ADCY8: variants seen among roughly 807,000 people sequenced by gnomAD.
The protein encoded by ADCY8 is adenylate cyclase 8, also known as adenylate cyclase type 8.
A neutral mutation model predicts 119.7 loss-of-function variants in ADCY8; 51 were observed. The observed-to-expected ratio is 0.43, with a 90% confidence interval of 0.34 to 0.54. The LOEUF (loss-of-function observed/expected upper bound fraction) is 0.54, where lower values mean the gene tolerates loss of function less well. ADCY8 is among the 20% of genes least tolerant of loss of function. The probability of loss-of-function intolerance (pLI) is 0.03; values close to 1 mark genes in which losing one functional copy is unlikely to be tolerated. For missense variants in ADCY8, 1,383 were observed against 1,598.8 expected, an observed-to-expected ratio of 0.87 and a Z score of 2.30; for synonymous variants, 665 against 651.0, an observed-to-expected ratio of 1.02 and a Z score of -0.33.
intron 3 of ADCY8, 77 bp from the exon 4 acceptor site, chr8:130,943,539 C>G: frequency 1.2e-6 from 1 of 850,932 alleles, no homozygotes; most frequent in South Asian, 1.5e-5. Context: ...TACACATCAA[C>G]ACCATCCCAG....
At chr8:130,883,271 C>A (rs1283324686) in intron 8 of ADCY8, among the ~76,000 whole-genome samples, 1 of 152,162 alleles carries the variant, frequency 6.6e-6, no homozygotes, top group East Asian at 1.9e-4. Flanking sequence ...GCTCTTCATC[C>A]TAGCTTCTTC....
intron 12 of ADCY8, among the ~76,000 whole-genome samples, chr8:130,836,032 G>T (rs144126184): frequency 3.9e-5 from 6 of 152,240 alleles, no homozygotes; most frequent in African/African-American, 1.4e-4. Context: ...ATCAGACTTG[G>T]AGGAGACCTG....
chr8:130,818,956 G>A (rs975576013), intron 13 of ADCY8, among the ~76,000 whole-genome samples: 2 of 152,120 alleles, frequency 1.3e-5, no homozygotes, highest in Non-Finnish European at 2.9e-5. Context: ...TACCTGCCTT[G>A]TTTTTGTCAT....
chr8:130,962,992 C>T (rs1028616042), intron 2 of ADCY8, among the ~76,000 whole-genome samples: 1 of 152,148 alleles, frequency 6.6e-6, no homozygotes, highest in African/African-American at 2.4e-5. Flanking sequence ...GAATATGATG[C>T]TATTTTCATT....
chr8:130,818,565 G>A (rs1816413818), intron 13 of ADCY8, among the ~76,000 whole-genome samples: 1 of 152,184 alleles, frequency 6.6e-6, no homozygotes, highest in South Asian at 2.1e-4. Flanking sequence ...CGTCCCTCTG[G>A]AGATGTTTAA....
At chr8:130,831,260 A>G (rs942123543) in intron 12 of ADCY8, among the ~76,000 whole-genome samples, 14 of 152,216 alleles carry the variant, frequency 9.2e-5, no homozygotes, top group African/African-American at 3.4e-4. Context: ...TTAATATTTC[A>G]TTCTGCAAAT....
chr8:131,002,451 A>T (rs1299195090), intron 1 of ADCY8, among the ~76,000 whole-genome samples: 1 of 152,228 alleles, frequency 6.6e-6, no homozygotes, highest in Non-Finnish European at 1.5e-5. Flanking sequence ...GAGTAGCTGC[A>T]GAGATAAGAG....
At chr8:130,881,208 C>A (rs1818758507) in intron 8 of ADCY8, among the ~76,000 whole-genome samples, 2 of 152,142 alleles carry the variant, frequency 1.3e-5, no homozygotes, top group Non-Finnish European at 2.9e-5. Flanking sequence ...TCTTATCTAA[C>A]CTTCTTAAAC....
chr8:130,969,878 G>A (rs777364581), intron 2 of ADCY8, among the ~76,000 whole-genome samples: 73 of 152,186 alleles, frequency 4.8e-4, no homozygotes, highest in Non-Finnish European at 1.0e-3. Flanking sequence ...AGTGAGTAGT[G>A]GGACCAGGAT....
At chr8:130,816,106 A>T (rs1014773774) in intron 13 of ADCY8, among the ~76,000 whole-genome samples, 5 of 152,230 alleles carry the variant, frequency 3.3e-5, no homozygotes, top group African/African-American at 7.2e-5. Context: ...TTTTCTTTTT[A>T]AAAAAATTTT....
rs1310622117 is a variant in ADCY8, at chr8:130,783,680, C to T, written c.3268+11G>A. 1 of 1,602,676 alleles carries T rather than the reference C, an allele frequency of 6.2e-7. No individual in the cohort carries two copies. The highest frequency in any genetic ancestry group is 1.1e-5 in the South Asian group (1 of 89,836). On this transcript the variant is annotated intron_variant, in intron 17 of 17. Coordinates refer to ENST00000286355, the MANE Select transcript of ADCY8 (RefSeq NM_001115.3). ...TGGCTCTATCAGGCCCCACCTGCAGCTGCTACTCACCAATCCGGAGTTCAA... is the reference window on the plus strand; with the variant it reads ...TGGCTCTATCAGGCCCCACCTGCAGTTGCTACTCACCAATCCGGAGTTCAA...
chr8:131,015,021 T>C (rs1301807978), intron 1 of ADCY8, among the ~76,000 whole-genome samples: 2 of 121,168 alleles, frequency 1.7e-5, no homozygotes, highest in Non-Finnish European at 3.7e-5. Flanking sequence ...TGGAGTATTC[T>C]GGGCACACTA....
chr8:131,001,977 A>G (rs1822964247), intron 1 of ADCY8, among the ~76,000 whole-genome samples: 1 of 152,170 alleles, frequency 6.6e-6, no homozygotes, highest in Non-Finnish European at 1.5e-5. Flanking sequence ...GGGGGACTGT[A>G]GGAAGTCCTT....
intron 1 of ADCY8, among the ~76,000 whole-genome samples, chr8:130,997,166 A>G (rs928842896): frequency 1.2e-4 from 19 of 152,098 alleles, no homozygotes; most frequent in Non-Finnish European, 4.4e-5. Context: ...AATATTTTAA[A>G]CTGCACTTAA....
intron 1 of ADCY8, among the ~76,000 whole-genome samples, chr8:131,014,105 C>T (rs1220879564): frequency 6.6e-6 from 1 of 152,186 alleles, no homozygotes; most frequent in Non-Finnish European, 1.5e-5. Context: ...CCCAATACTC[C>T]TTTTCTCTGA....
At chr8:130,826,548 T>G (rs1816672995) in intron 12 of ADCY8, among the ~76,000 whole-genome samples, 1 of 152,190 alleles carries the variant, frequency 6.6e-6, no homozygotes, top group Non-Finnish European at 1.5e-5. Flanking sequence ...TCATTCTCAT[T>G]CATGAGAATG....
chr8:131,006,858 G>T lies in ADCY8; in HGVS notation c.961-16316C>A, dbSNP rs959204. Among the ~76,000 whole-genome samples, 16 of 152,066 alleles carry T rather than the reference G, an allele frequency of 1.1e-4. No individual in the cohort carries two copies. In the South Asian group the frequency reaches 3.3e-3, roughly 32 times the overall value. ...GTGAGTGCCAAGGCCAGATGACAAC[G>T]TTTCCATGGAGGCTTTGTTCTCAAA... On this transcript the variant is annotated intron_variant, in intron 1 of 17. Coordinates refer to ENST00000286355, the MANE Select transcript of ADCY8 (RefSeq NM_001115.3).
In ADCY8 at chr8:130,936,073, A is replaced by ATGTGTGTGTGTGTGTG. The variant is rs35028784; in HGVS notation, c.1481+984_1481+999dup. Among the ~76,000 whole-genome samples, 575 of 147,158 alleles carry ATGTGTGTGTGTGTGTG rather than the reference A, an allele frequency of 3.9e-3. 4 individuals are homozygous for ATGTGTGTGTGTGTGTG. Among genetic ancestry groups the ATGTGTGTGTGTGTGTG allele is most frequent in the African/African-American group, 0.011 (411 of 38,908 alleles). On this transcript the variant is annotated intron_variant, in intron 5 of 17. Transcript: ENST00000286355. ...GGGTGTTAGTCACCCAAGCACTGACATGTGTGTGTGTGTGTGTGTGTGTGT... is the reference window on the plus strand; with the variant it reads ...GGGTGTTAGTCACCCAAGCACTGACATGTGTGTGTGTGTGTGTGTGTGTGTGTGTGTGTGTGTGTGT...
intron 12 of ADCY8, among the ~76,000 whole-genome samples, chr8:130,827,880 A>G (rs1158581274): frequency 6.6e-6 from 1 of 152,208 alleles, no homozygotes; most frequent in Non-Finnish European, 1.5e-5. Flanking sequence ...TCTGTCAGCC[A>G]GTTAAAAATA....
Sources: allele counts gnomAD v4.1 joint callset (sites outside exome capture counted in the v4.1 genomes callset), GRCh38; gene constraint gnomAD v4.1.1; transcripts MANE v1.5; gene names NCBI Gene and HGNC (gene_info 2026-07-23, HGNC 2026-07-21).